KIF2A: variants seen among roughly 807,000 people sequenced by gnomAD.
KIF2A encodes the protein kinesin-like protein KIF2A.
A neutral mutation model predicts 100.2 loss-of-function variants in KIF2A; 22 were observed. The ratio of observed to expected loss-of-function variants is 0.22; its 90% CI spans 0.16 to 0.31. The LOEUF is 0.31. Ranked by LOEUF, KIF2A falls within the 10% of genes least tolerant of loss-of-function variation. The probability of loss-of-function intolerance (pLI) is 1.00; values close to 1 mark genes in which losing one functional copy is unlikely to be tolerated. For missense variants in KIF2A, 495 were observed against 898.7 expected, an observed-to-expected ratio of 0.55 and a Z score of 5.74; for synonymous variants, 268 against 285.9, an observed-to-expected ratio of 0.94 and a Z score of 0.63.
intron 4 of KIF2A, 149 bp from the exon 5 acceptor site, chr5:62,352,439 T>C (rs950434259): frequency 1.8e-4 from 90 of 500,104 alleles, no homozygotes; most frequent in African/African-American, 1.5e-3. Flanking sequence ...ATAAACTATA[T>C]TATATTTTAC....
chr5:62,364,336 T>C (rs1026505738), intron 14 of KIF2A, among the ~76,000 whole-genome samples: 11 of 152,092 alleles, frequency 7.2e-5, no homozygotes, highest in Non-Finnish European at 1.0e-4. Flanking sequence ...TTAGTAGATA[T>C]GGGGTTTCAC....
intron 1 of KIF2A, among the ~76,000 whole-genome samples, chr5:62,343,266 T>G (rs961461933): frequency 2.0e-5 from 3 of 152,190 alleles, no homozygotes; most frequent in African/African-American, 4.8e-5. Flanking sequence ...CCCAGTATTT[T>G]TTTAGGTCAT....
intron 1 of KIF2A, among the ~76,000 whole-genome samples, chr5:62,307,507 A>G (rs1006898600): frequency 9.9e-5 from 15 of 152,194 alleles, no homozygotes; most frequent in Non-Finnish European, 1.9e-4. Context: ...TTGTAAAGGA[A>G]TAAATGCACG....
chr5:62,336,006 C>A (rs572192967), intron 1 of KIF2A, among the ~76,000 whole-genome samples: 2 of 152,208 alleles, frequency 1.3e-5, no homozygotes, highest in South Asian at 4.1e-4. Flanking sequence ...TGACTTAGGA[C>A]TTAAAGATGG....
chr5:62,324,124 A>G (rs1208596776), intron 1 of KIF2A, among the ~76,000 whole-genome samples: 3 of 152,210 alleles, frequency 2.0e-5, no homozygotes, highest in African/African-American at 7.2e-5. Context: ...GTAGCCACCT[A>G]AAGAATAAAA....
intron 20 of KIF2A, among the ~76,000 whole-genome samples, chr5:62,383,169 C>T (rs1231323011): frequency 2.0e-5 from 3 of 150,210 alleles, no homozygotes; most frequent in South Asian, 2.1e-4. Context: ...TCACGTGATG[C>T]ACCCACCTCA....
intron 1 of KIF2A, among the ~76,000 whole-genome samples, chr5:62,311,162 C>T (rs902234576): frequency 1.3e-5 from 2 of 152,162 alleles, no homozygotes; most frequent in African/African-American, 4.8e-5. Flanking sequence ...ATTCATACAA[C>T]TTGTCAATGG....
Position 62,381,076 on chromosome 5 carries a change from C to T in KIF2A, c.2014-42C>T, listed in dbSNP as rs778500031. 2.6e-6 allele frequency: 4 copies of T among 1,520,500 alleles called. No individual in the cohort carries two copies. The Admixed American group carries it at 7.4e-5, about 28-fold the overall frequency. 94.2% of individuals were successfully genotyped at this position (1,520,500 alleles called of 1,614,324 possible). A position where few individuals can be genotyped will look rare whatever the true frequency, so the allele number is the denominator to read the frequency against. On this transcript the variant is annotated intron_variant, in intron 19 of 20. Coordinates refer to ENST00000407818, the MANE Select transcript of KIF2A (RefSeq NM_001098511.3). ...CAGAATTGTAATTTGGTTTCTGTTG[C>T]ACAAAGATGCTTATTGGATTATCGA...
intron 19 of KIF2A, among the ~76,000 whole-genome samples, chr5:62,379,659 G>GGA (rs1554043518): frequency 1.5e-5 from 2 of 133,976 alleles, no homozygotes; most frequent in Non-Finnish European, 3.2e-5. Context: ...TGAAACTCAG[G>GGA]AAAAAAAAAA....
intron 1 of KIF2A, among the ~76,000 whole-genome samples, chr5:62,345,765 T>G (rs559338260): frequency 1.2e-4 from 19 of 152,146 alleles, no homozygotes; most frequent in Non-Finnish European, 2.6e-4. Context: ...TATATATCTG[T>G]TTTTAGACAT....
chr5:62,328,500 C>T (rs264532), intron 1 of KIF2A, among the ~76,000 whole-genome samples: 122,660 of 151,502 alleles, frequency 0.81, 49,832 homozygotes, highest in Middle Eastern at 0.89. Context: ...ATTTAATACT[C>T]TTTTTTTTGA....
intron 1 of KIF2A, among the ~76,000 whole-genome samples, chr5:62,331,771 A>AAG (rs1554039828): frequency 6.6e-6 from 1 of 151,624 alleles, no homozygotes; most frequent in Non-Finnish European, 1.5e-5. Flanking sequence ...CGAAAAAAAA[A>AAG]AAAACAACAT....
intron 1 of KIF2A, among the ~76,000 whole-genome samples, chr5:62,325,653 G>A (rs1561252512): frequency 6.6e-6 from 1 of 152,174 alleles, no homozygotes; most frequent in Non-Finnish European, 1.5e-5. Flanking sequence ...ACAGATGTTG[G>A]CCAGGTTGCA....
Position 62,353,034 on chromosome 5 carries a change from T to G in KIF2A, c.458-241T>G, listed in dbSNP as rs896468061. 7.1e-6 allele frequency: 3 copies of G among 422,602 alleles called. No individual in the cohort carries two copies. The South Asian group carries it at 1.5e-4, about 21-fold the overall frequency. The allele number at this position is 422,602 out of a possible 1,614,324, so 26.2% of individuals were successfully genotyped here. A position where few individuals can be genotyped will look rare whatever the true frequency, so the allele number is the denominator to read the frequency against. ...CTTTGAATTAAAAAGTCTGTGTTTC[T>G]AAACCAAGAGATGACATGTATCAAT... On this transcript the variant is annotated intron_variant, in intron 5 of 20. Coordinates refer to ENST00000407818, the MANE Select transcript of KIF2A (RefSeq NM_001098511.3).
intron 1 of KIF2A, among the ~76,000 whole-genome samples, chr5:62,344,169 C>A (rs906651481): frequency 6.6e-6 from 1 of 151,964 alleles, no homozygotes; most frequent in Non-Finnish European, 1.5e-5. Flanking sequence ...CATGGTGAAA[C>A]CCTGTCTCTA....
At chr5:62,320,813 C>T (rs1209176264) in intron 1 of KIF2A, among the ~76,000 whole-genome samples, 1 of 115,812 alleles carries the variant, frequency 8.6e-6, no homozygotes, top group Non-Finnish European at 2.0e-5. Flanking sequence ...TTAAAGTGCA[C>T]AATTCAGTGA....
chr5:62,352,814 T>C, intron 5 of KIF2A, 104 bp downstream of exon 5: 1 of 814,592 alleles, frequency 1.2e-6, no homozygotes, highest in Non-Finnish European at 1.8e-6. Context: ...AAATACAAGC[T>C]TGATTGCAGA....
At chr5:62,311,628 A>G (rs894671342) in intron 1 of KIF2A, among the ~76,000 whole-genome samples, 1 of 152,176 alleles carries the variant, frequency 6.6e-6, no homozygotes, top group Non-Finnish European at 1.5e-5. Flanking sequence ...GTCACTATAT[A>G]GGCTTCTGGA....
chr5:62,336,961 G>T (rs1161026267), intron 1 of KIF2A, among the ~76,000 whole-genome samples: 1 of 152,124 alleles, frequency 6.6e-6, no homozygotes, highest in African/African-American at 2.4e-5. Context: ...AAACAGATAT[G>T]AACTTGATGC....
Sources: gnomAD v4.1 joint callset for allele counts (sites outside exome capture counted in the v4.1 genomes callset) on GRCh38, gnomAD v4.1.1 for gene constraint, MANE v1.5 for transcripts, NCBI Gene and HGNC (gene_info 2026-07-23, HGNC 2026-07-21) for gene names.